CHRNB4: variants seen among roughly 807,000 people sequenced by gnomAD.
CHRNB4 encodes the protein cholinergic receptor nicotinic beta 4 subunit, also known as neuronal acetylcholine receptor subunit beta-4.
A neutral mutation model predicts 40.4 loss-of-function variants in CHRNB4; 23 were observed. The ratio of observed to expected loss-of-function variants is 0.57; its 90% confidence interval spans 0.41 to 0.81. The LOEUF is 0.81. Ranked by LOEUF, CHRNB4 falls within the 30% of genes least tolerant of loss-of-function variation. The pLI is 0.00. For missense variants in CHRNB4, 568 were observed against 670.6 expected (o/e 0.85, Z 1.69); for synonymous variants, 285 against 274.4 (o/e 1.04, Z -0.38).
At position 78,625,276 on chromosome 15, in the gene CHRNB4, T is replaced by TC. The variant is rs747305468; in HGVS notation, c.1353dup (p.Lys452GlufsTer39). On this transcript the variant is annotated frameshift_variant, in exon 6 of 6. Transcript: ENST00000261751. LOFTEE classifies it high-confidence loss of function. ...CGGTCCACCACCATAGCCACGTACT[T>TC]CCAGTCCTCAACGACCTGCAGGCAG... 6.5e-7 allele frequency: 1 copy of TC among 1,540,416 alleles called. No individual in the cohort carries two copies. Among genetic ancestry groups the TC allele is most frequent in the Non-Finnish European group, 8.7e-7 (1 of 1,145,476 alleles).
intron 1 of CHRNB4, among the ~76,000 whole-genome samples, chr15:78,639,499 CA>C: frequency 6.6e-6 from 1 of 152,260 alleles, no homozygotes; most frequent in Non-Finnish European, 1.5e-5. Context: ...GGGGTTTCAC[CA>C]CATCAGCCAG....
At chr15:78,654,561 A>G (rs752942960) in intron 5 of CHRNB4, among the ~76,000 whole-genome samples, 1 of 152,100 alleles carries the variant, frequency 6.6e-6, no homozygotes, top group Non-Finnish European at 1.5e-5. Context: ...CATGTTTTTC[A>G]TCTGTTAAGT....
chr15:78,633,585 T>A (rs2053880894), intron 2 of CHRNB4, among the ~76,000 whole-genome samples: 1 of 152,222 alleles, frequency 6.6e-6, no homozygotes. Context: ...GTTACTGATA[T>A]ATTTGGGCTC....
chr15:78,631,366 G>A, intron 2 of CHRNB4, 34 bp from the exon 3 acceptor site: 1 of 1,606,070 alleles, frequency 6.2e-7, no homozygotes, highest in South Asian at 1.1e-5. Flanking sequence ...AGTTCACCAG[G>A]AAGGAGGAGC....
At chr15:78,648,674 A>C in intron 7 of CHRNB4, among the ~76,000 whole-genome samples, 1 of 145,272 alleles carries the variant, frequency 6.9e-6, no homozygotes, top group African/African-American at 2.6e-5. Flanking sequence ...AATTGCTTGA[A>C]CCCGGGAGGC....
chr15:78,657,833 T>C (rs1193070822), intron 2 of CHRNB4, among the ~76,000 whole-genome samples: 1 of 146,054 alleles, frequency 6.8e-6, no homozygotes, highest in Non-Finnish European at 1.5e-5. Flanking sequence ...ATTACAGGCC[T>C]GAGCCACCGC....
upstream of CHRNB4, among the ~76,000 whole-genome samples, chr15:78,643,270 G>A (rs2054097155): frequency 6.6e-6 from 1 of 150,528 alleles, no homozygotes; most frequent in Non-Finnish European, 1.5e-5. Flanking sequence ...TTTTTTTTTT[G>A]AGACAGGGTT....
chr15:78,632,164 T>TC (rs2053827365), intron 2 of CHRNB4, among the ~76,000 whole-genome samples: 3 of 130,326 alleles, frequency 2.3e-5, no homozygotes, highest in African/African-American at 8.6e-5. Context: ...TTTCTTTTCT[T>TC]TTCTTTCTCT....
intron 7 of CHRNB4, among the ~76,000 whole-genome samples, chr15:78,649,102 TAACAGCAAGTGCTAGTAAAGATGTGG>T (rs2054150697): frequency 6.6e-6 from 1 of 152,190 alleles, no homozygotes; most frequent in Non-Finnish European, 1.5e-5. Flanking sequence ...GAAAGCCCTA[TAACAGCAAGTGCTAGTAAAGATGTGG>T]AACAGCAGGA....
chr15:78,652,475 G>T (rs1387480803), intron 6 of CHRNB4: 10 of 152,370 alleles, frequency 6.6e-5, no homozygotes, highest in African/African-American at 2.4e-4. Context: ...AGCCTGAAGG[G>T]CTTGAGACAA....
intron 4 of CHRNB4, among the ~76,000 whole-genome samples, chr15:78,630,496 G>A (rs1425713720): frequency 1.3e-5 from 2 of 152,194 alleles, no homozygotes; most frequent in Non-Finnish European, 2.9e-5. Flanking sequence ...CAGTAGTCCA[G>A]TGAGGCAGGT....
chr15:78,640,515 C>A (rs1175643129), intron 1 of CHRNB4, among the ~76,000 whole-genome samples: 1 of 152,246 alleles, frequency 6.6e-6, no homozygotes, highest in African/African-American at 2.4e-5. Context: ...CATTCCAGGG[C>A]TGCTGATTTG....
In CHRNB4 at chr15:78,647,569, G is replaced by A. The variant is rs143346013; in HGVS notation, c.46+1810C>T. On this transcript the variant is annotated intron_variant and NMD_transcript_variant, in intron 7 of 11. Coordinates refer to the CHRNB4 transcript ENST00000559849. ...AAATGTATTAGAAAGAGATTCAGCC[G>A]GGTGCAGTGGCTCACGCCTGTAATC... Among the ~76,000 whole-genome samples the A allele has an allele frequency of 3.6e-3, 553 of 151,546 alleles. 1 individual carries two copies. The highest frequency in any genetic ancestry group is 0.011 in the African/African-American group (471 of 41,378).
Position 78,635,039 on chromosome 15 carries a change from C to T in CHRNB4, c.204+400G>A, listed in dbSNP as rs536565919. Reference sequence around the variant, plus strand: ...CTGGGCCTCTCTGTACCTATCAGTTCCCCCAGTCTGGTTTTTACTTCTCCC... The same window carrying T: ...CTGGGCCTCTCTGTACCTATCAGTTTCCCCAGTCTGGTTTTTACTTCTCCC... On this transcript the variant is annotated intron_variant, in intron 2 of 5. Coordinates refer to ENST00000261751, the MANE Select transcript of CHRNB4 (RefSeq NM_000750.5). Among the ~76,000 whole-genome samples the T allele has an allele frequency of 2.0e-5, 3 of 152,272 alleles. No individual in the cohort carries two copies. The East Asian group carries it at 5.8e-4, about 29-fold the overall frequency.
Position 78,625,017 on chromosome 15 carries a change from G to T in CHRNB4, c.*116C>A, listed in dbSNP as rs1355515400. On this transcript the variant is annotated 3_prime_UTR_variant, in exon 6 of 6. Transcript: ENST00000261751. ...CCACGGCTGTGGCTGGTTTGATGGG[G>T]TTGATGGCCAATGCTCACATATTTA... is the stretch of plus-strand genomic sequence containing the variant. 3.1e-6 allele frequency: 5 copies of T among 1,598,956 alleles called. No homozygotes were observed. The highest frequency in any genetic ancestry group is 4.2e-6 in the Non-Finnish European group (5 of 1,179,182).
chr15:78,658,169 TAC>T (rs1201502853), intron 2 of CHRNB4: 1 of 151,952 alleles, frequency 6.6e-6, no homozygotes, highest in Non-Finnish European at 1.5e-5. Flanking sequence ...TAGCTGAGAT[TAC>T]AGGTGCCTGC....
intron 7 of CHRNB4, among the ~76,000 whole-genome samples, chr15:78,648,772 AAAG>A (rs2054148089): frequency 6.7e-6 from 1 of 148,664 alleles, no homozygotes; most frequent in Non-Finnish European, 1.5e-5. Context: ...AAAAAAAAAA[AAAG>A]TAGATATCTT....
At chr15:78,648,259 G>A (rs953670048) in intron 7 of CHRNB4, among the ~76,000 whole-genome samples, 3 of 151,790 alleles carry the variant, frequency 2.0e-5, no homozygotes, top group Non-Finnish European at 4.4e-5. Context: ...TGGGTGTGGT[G>A]GCAGGCACCT....
intron 1 of CHRNB4, among the ~76,000 whole-genome samples, chr15:78,638,421 C>T (rs1220828430): frequency 6.6e-6 from 1 of 152,274 alleles, no homozygotes; most frequent in Non-Finnish European, 1.5e-5. Flanking sequence ...GAAACTTTCT[C>T]AAGTGCCCCC....
Sources: gnomAD v4.1 joint callset for allele counts (sites outside exome capture counted in the v4.1 genomes callset) on GRCh38, gnomAD v4.1.1 for gene constraint, MANE v1.5 for transcripts, NCBI Gene and HGNC (gene_info 2026-07-23, HGNC 2026-07-21) for gene names.